PCDH10: variants seen among roughly 807,000 people sequenced by gnomAD.
PCDH10 encodes protocadherin-10.
A neutral mutation model predicts 74.4 loss-of-function variants in PCDH10; 15 were observed. The observed-to-expected ratio is 0.20, with a 90% CI of 0.13 to 0.31. The LOEUF (loss-of-function observed/expected upper bound fraction) is 0.31, where lower values mean the gene tolerates loss of function less well. PCDH10 is among the 10% of genes least tolerant of loss of function. The pLI, the probability that PCDH10 is intolerant of heterozygous loss-of-function variation, is 1.00. For missense variants in PCDH10, 1,260 were observed against 1,390.2 expected (o/e 0.91, Z 1.49); for synonymous variants, 619 against 589.8 (o/e 1.05, Z -0.72).
chr4:133,161,541 C>T (rs1330485512), intron 3 of PCDH10, among the ~76,000 whole-genome samples: 1 of 151,844 alleles, frequency 6.6e-6, no homozygotes, highest in Non-Finnish European at 1.5e-5. Flanking sequence ...AAAACTAAAA[C>T]TTGCTCAAGA....
At chr4:133,156,853 T>C (rs1049867475) in intron 3 of PCDH10, among the ~76,000 whole-genome samples, 1 of 152,216 alleles carries the variant, frequency 6.6e-6, no homozygotes, top group African/African-American at 2.4e-5. Flanking sequence ...ATTTGGAAGA[T>C]AGATGAGAAC....
At chr4:133,165,458 C>T (rs1727059340) in intron 4 of PCDH10, among the ~76,000 whole-genome samples, 1 of 151,570 alleles carries the variant, frequency 6.6e-6, no homozygotes, top group Admixed American at 6.6e-5. Context: ...GACCATTTTG[C>T]CCCTCAAATT....
intron 3 of PCDH10, among the ~76,000 whole-genome samples, chr4:133,161,586 A>T (rs1260488192): frequency 6.6e-6 from 1 of 152,076 alleles, no homozygotes; most frequent in Non-Finnish European, 1.5e-5. Context: ...AGAAGTAACA[A>T]TCAAGTATGT....
intron 4 of PCDH10, among the ~76,000 whole-genome samples, chr4:133,164,449 A>G (rs1727038366): frequency 6.6e-6 from 1 of 152,010 alleles, no homozygotes; most frequent in African/African-American, 2.4e-5. Flanking sequence ...GTTTCACTTA[A>G]ACTAAGAATG....
Position 133,193,552 on chromosome 4 carries a change from C to T in PCDH10, c.*3392C>T, listed in dbSNP as rs1397949626. 1 of 151,490 alleles carries T rather than the reference C, an allele frequency of 6.6e-6. No homozygotes were observed. Among genetic ancestry groups the T allele is most frequent in the Admixed American group, 6.6e-5 (1 of 15,152 alleles). 9.4% of individuals were successfully genotyped at this position (151,490 alleles called of 1,614,324 possible). The stretch of plus-strand genomic sequence containing the variant: ...CTGTACGTTAATTGTACCATTTTAC[C>T]TTCTAAACATTATTTACTGGAGCTC... On this transcript the variant is annotated 3_prime_UTR_variant, in exon 5 of 5. Coordinates refer to ENST00000264360, the MANE Select transcript of PCDH10 (RefSeq NM_032961.3).
downstream of PCDH10, among the ~76,000 whole-genome samples, chr4:133,197,587 T>G (rs1727820526): frequency 6.6e-6 from 1 of 152,200 alleles, no homozygotes; most frequent in Admixed American, 6.5e-5. Flanking sequence ...TGAAGGGAAT[T>G]TATTGATCCA....
chr4:133,195,811 G>A (rs1163002557), downstream of PCDH10, among the ~76,000 whole-genome samples: 2 of 151,948 alleles, frequency 1.3e-5, no homozygotes, highest in African/African-American at 4.8e-5. Context: ...ATGGTTCTTT[G>A]TGAAACTTTT....
chr4:133,194,796 T>C (rs1464016333), downstream of PCDH10: 10 of 151,966 alleles, frequency 6.6e-5, no homozygotes, highest in Admixed American at 6.6e-4. Flanking sequence ...TATGCTAGGT[T>C]TTAAAGGATT....
In PCDH10 at chr4:133,151,063, G is replaced by A; in HGVS notation, c.923G>A (p.Gly308Asp). 1 of 1,614,056 alleles carries A rather than the reference G, an allele frequency of 6.2e-7. No homozygotes were observed. The highest frequency in any genetic ancestry group is 2.2e-5 in the East Asian group (1 of 44,850). Residue 308 changes from glycine (G) to aspartate (D), a missense_variant, in exon 1 of 5, where the codon GGC becomes GAC. By Grantham distance (94) the Gly-to-Asp change is moderately conservative (BLOSUM62 -1). Transcript: ENST00000264360. ...CTTTTCGGACTCTCGCCGCGCACTG[G>A]CAGACTGGAGGTAAGCGGCGAGTTG... ...RELFGLSPRT[G>D]RLEVSGELDY...
In PCDH10 at chr4:133,184,484, G is replaced by A. The variant is rs116692818; in HGVS notation, c.3104-5657G>A. ...CTAAAACTACAAAAATTAGCCTGGC[G>A]TTGTGGTGCGCAACTGTAATCCCAG... On this transcript the variant is annotated intron_variant, in intron 4 of 4. Transcript: ENST00000264360. Among the ~76,000 whole-genome samples, 858 of 151,458 alleles carry A rather than the reference G, an allele frequency of 5.7e-3. 12 individuals carry two copies. Among genetic ancestry groups the A allele is most frequent in the African/African-American group, 0.02 (808 of 41,342 alleles).
rs990886724 is a variant in PCDH10 at position 133,190,276 on chromosome 4, T to C, written c.*116T>C. 46 of 911,198 alleles carry C rather than the reference T, an allele frequency of 5.0e-5. No homozygotes were observed. The highest frequency in any genetic ancestry group is 4.3e-4 in the Middle Eastern group (2 of 4,638). The allele number at this position is 911,198 out of a possible 1,614,324, so 56.4% of individuals were successfully genotyped here. A position where few individuals can be genotyped will look rare whatever the true frequency, so the allele number is the denominator to read the frequency against. The stretch of plus-strand genomic sequence containing the variant: ...CCAGTTAGTCATGTGTAACTGAGTA[T>C]TAGATTTCGGATGGAGTCATCATGG... On this transcript the variant is annotated 3_prime_UTR_variant, in exon 5 of 5. Transcript: ENST00000264360.
At chr4:133,165,012 A>G (rs1457149954) in intron 4 of PCDH10, among the ~76,000 whole-genome samples, 1 of 147,798 alleles carries the variant, frequency 6.8e-6, no homozygotes, top group Non-Finnish European at 1.5e-5. Context: ...ATATTCATAT[A>G]TATGTGTATA....
Position 133,152,446 on chromosome 4 carries a change from C to T in PCDH10, c.2306C>T (p.Thr769Ile). ...TGCTGCTGCGGTGGCGGAGGTTCGA[C>T]CTGCTGTGGCCGCCAAGCCCGGGCG... Reference protein sequence around the residue: ...CCCCCGGGGSTCCGRQARARK... With the variant: ...CCCCCGGGGSICCGRQARARK... The change falls in exon 1 of 5, where the codon ACC becomes ATC. Residue 769 changes from threonine (T) to isoleucine (I), a missense_variant. Thr to Ile is a moderately conservative substitution (Grantham distance 89, BLOSUM62 -1). Around this residue, in one of 11 missense-constraint regions of PCDH10, gnomAD observed 587 missense variants for 616.9 expected, o/e 0.95. Transcript: ENST00000264360. 6.2e-7 allele frequency: 1 copy of T among 1,614,120 alleles called. No individual in the cohort carries two copies. Among genetic ancestry groups the T allele is most frequent in the African/African-American group, 1.3e-5 (1 of 75,046 alleles).
intron 2 of PCDH10, among the ~76,000 whole-genome samples, chr4:133,204,523 T>C (rs1229463715): frequency 2.0e-5 from 3 of 152,144 alleles, no homozygotes; most frequent in East Asian, 1.9e-4. Context: ...GTCATGCCCA[T>C]GTATAGTCAA....
At chr4:133,197,443 TCTTTA>T (rs1727818205), downstream of PCDH10, among the ~76,000 whole-genome samples, 1 of 152,158 alleles carries the variant, frequency 6.6e-6, no homozygotes, top group South Asian at 2.1e-4. Context: ...GGTGTCCTCC[TCTTTA>T]CTTATTTTTT....
chr4:133,186,708 A>G (rs1727547384), intron 4 of PCDH10, among the ~76,000 whole-genome samples: 2 of 152,012 alleles, frequency 1.3e-5, no homozygotes, highest in Admixed American at 6.6e-5. Context: ...TACAACCCTA[A>G]AAGAATAATA....
intron 1 of PCDH10, 67 bp downstream of exon 1, chr4:133,152,838 C>A: frequency 6.2e-7 from 1 of 1,600,682 alleles, no homozygotes; most frequent in Non-Finnish European, 8.5e-7. Context: ...CTAGCCCGGC[C>A]CTTGTATCTC....
chr4:133,197,189 T>C (rs1320002785), downstream of PCDH10, among the ~76,000 whole-genome samples: 1 of 152,228 alleles, frequency 6.6e-6, no homozygotes, highest in African/African-American at 2.4e-5. Context: ...TACATGTGTA[T>C]GTTTGCACTA....
chr4:133,152,709 G>C lies in PCDH10; in HGVS notation c.2569G>C (p.Val857Leu), dbSNP rs1726761038. ...DTEHNPCGAIVTGYTDQQPDI... is the reference protein window; with the variant it reads ...DTEHNPCGAILTGYTDQQPDI... The stretch of plus-strand genomic sequence containing the variant: ...TGAGCACAACCCCTGCGGGGCCATC[G>C]TCACCGGTTACACCGACCAGCAGCC... The change falls in exon 1 of 5, where the codon GTC becomes CTC. Residue 857 changes from valine to leucine, a missense_variant. By Grantham distance (32) the Val-to-Leu change is conservative. Coordinates refer to ENST00000264360, the MANE Select transcript of PCDH10 (RefSeq NM_032961.3). 6.2e-7 allele frequency: 1 copy of C among 1,614,056 alleles called. No homozygotes were observed. The highest frequency in any genetic ancestry group is 1.1e-5 in the South Asian group (1 of 91,070).
Sources: gnomAD v4.1 joint callset for allele counts (sites outside exome capture counted in the v4.1 genomes callset) on GRCh38, gnomAD v4.1.1 for gene constraint, gnomAD v4.1.1 regional missense constraint, MANE v1.5 for transcripts, NCBI Gene and HGNC (gene_info 2026-07-23, HGNC 2026-07-21) for gene names.